Variants in DHX57 observed in about 807,000 individuals in gnomAD.
DHX57 encodes putative ATP-dependent RNA helicase DHX57.
In DHX57, 105 loss-of-function variants were observed where a neutral mutation model predicts 156.2. The observed-to-expected ratio is 0.67, with a 90% CI of 0.57 to 0.79. The LOEUF (loss-of-function observed/expected upper bound fraction) is 0.79, where lower values mean the gene tolerates loss of function less well. Among genes scored for constraint, DHX57 ranks in the 30% least tolerant of loss-of-function variants. DHX57 has a pLI of 0.00. For synonymous variants in DHX57, 704 were observed against 595.6 expected (o/e 1.18, Z -2.65); for missense variants, 1,847 against 1,661.9 (o/e 1.11, Z -1.94).
At chr2:38,852,858 T>G (rs1672676186) in intron 9 of DHX57, among the ~76,000 whole-genome samples, 1 of 152,292 alleles carries the variant, frequency 6.6e-6, no homozygotes, top group Non-Finnish European at 1.5e-5. Flanking sequence ...TTATTCGTGG[T>G]GCTTAAGGCC....
In DHX57 at chr2:38,861,297, G is replaced by A. The variant is rs761062892; in HGVS notation, c.1113C>T (p.Leu371=). Residue 371 remains leucine, a synonymous_variant, in exon 5 of 24, where the codon CTC becomes CTT. Coordinates refer to ENST00000457308, the MANE Select transcript of DHX57 (RefSeq NM_198963.3). ...KDHKYPYQAP[L]VAFYSTNENL... is the part of the protein sequence containing the mutation. ...TCTCATTGGTGGAATAAAATGCCACGAGCGGAGCTTGGTAGGGATATTTGT... is the reference window on the plus strand; with the variant it reads ...TCTCATTGGTGGAATAAAATGCCACAAGCGGAGCTTGGTAGGGATATTTGT... The A allele has an allele frequency of 8.1e-6, 13 of 1,614,008 alleles. No individual in the cohort carries two copies. The highest frequency in any genetic ancestry group is 5.5e-5 in the South Asian group (5 of 91,068).
At chr2:38,836,636 T>G (rs1431546409) in intron 13 of DHX57, among the ~76,000 whole-genome samples, 1 of 151,760 alleles carries the variant, frequency 6.6e-6, no homozygotes, top group Non-Finnish European at 1.5e-5. Context: ...TAGCCAGGCG[T>G]GGAGGTGCAC....
chr2:38,829,562 G>A (rs1221125774), intron 13 of DHX57, among the ~76,000 whole-genome samples: 2 of 152,176 alleles, frequency 1.3e-5, no homozygotes, highest in Admixed American at 6.5e-5. Context: ...GAGCCACTGC[G>A]CTTGGCCCCA....
intron 2 of DHX57, among the ~76,000 whole-genome samples, chr2:38,866,294 G>T (rs1437219660): frequency 6.6e-6 from 1 of 152,004 alleles, no homozygotes; most frequent in Non-Finnish European, 1.5e-5. Context: ...TTGCCTTCTT[G>T]CCCACTCATT....
At position 38,805,855 on chromosome 2, in the gene DHX57, G is replaced by A. The variant is rs559336975; in HGVS notation, c.3816+704C>T. Among the ~76,000 whole-genome samples, 10 of 152,296 alleles carry A rather than the reference G, an allele frequency of 6.6e-5. No individual in the cohort carries two copies. In the South Asian group the frequency reaches 2.1e-3, roughly 32 times the overall value. On this transcript the variant is annotated intron_variant, in intron 22 of 23. Coordinates refer to ENST00000457308, the MANE Select transcript of DHX57 (RefSeq NM_198963.3). ...AGAGACAGATTTGGGGTCTGCGTCT[G>A]TGTGTAAGTGGCAGTTGGGATGTGT...
chr2:38,842,678 C>T (rs368399823), intron 12 of DHX57, among the ~76,000 whole-genome samples: 16 of 152,110 alleles, frequency 1.1e-4, no homozygotes, highest in East Asian at 9.6e-4. Flanking sequence ...TTTAGCCTTG[C>T]GAACTTTTCC....
chr2:38,817,387 T>A (rs984350796), intron 19 of DHX57, among the ~76,000 whole-genome samples: 3 of 152,162 alleles, frequency 2.0e-5, no homozygotes, highest in Admixed American at 6.6e-5. Context: ...CAATCTCAAC[T>A]CACTGAAACC....
chr2:38,811,273 C>A, intron 21 of DHX57: 1 of 515,298 alleles, frequency 1.9e-6, no homozygotes, highest in South Asian at 1.6e-5. Flanking sequence ...GGGGGGCCAG[C>A]GAGTAGCAGG....
intron 17 of DHX57, 68 bp downstream of exon 17, chr2:38,822,925 C>T (rs2148559060): frequency 1.3e-6 from 2 of 1,520,498 alleles, no homozygotes; most frequent in Middle Eastern, 1.7e-4. Flanking sequence ...CTTGATTTCC[C>T]CCATGGTCCC....
At chr2:38,844,311 A>G (rs566381868) in intron 11 of DHX57, among the ~76,000 whole-genome samples, 10 of 152,354 alleles carry the variant, frequency 6.6e-5, no homozygotes, top group Non-Finnish European at 1.2e-4. Flanking sequence ...TAGAGGCACA[A>G]GAAAAGTATT....
intron 21 of DHX57, among the ~76,000 whole-genome samples, chr2:38,809,029 A>G (rs940354685): frequency 6.6e-6 from 1 of 152,128 alleles, no homozygotes; most frequent in East Asian, 1.9e-4. Context: ...CTCCTGGGCT[A>G]CAGTGATCCT....
intron 17 of DHX57, among the ~76,000 whole-genome samples, chr2:38,822,300 C>G (rs1410834078): frequency 6.6e-6 from 1 of 152,136 alleles, no homozygotes; most frequent in African/African-American, 2.4e-5. Flanking sequence ...AGGCTGGTCT[C>G]AAACTCCTGA....
At chr2:38,829,521 T>C (rs1671275317) in intron 13 of DHX57, among the ~76,000 whole-genome samples, 3 of 149,598 alleles carry the variant, frequency 2.0e-5, no homozygotes, top group Non-Finnish European at 4.5e-5. Flanking sequence ...CTGCCCGCCT[T>C]GGCCTCCAAA....
intron 1 of DHX57, among the ~76,000 whole-genome samples, chr2:38,872,831 C>T (rs1399310192): frequency 6.6e-6 from 1 of 152,076 alleles, no homozygotes; most frequent in Non-Finnish European, 1.5e-5. Flanking sequence ...GACAGAGGAT[C>T]AACAAGGAAA....
intron 5 of DHX57, 129 bp from the exon 6 acceptor site, chr2:38,858,965 A>G: frequency 2.3e-6 from 2 of 870,862 alleles, no homozygotes; most frequent in East Asian, 6.0e-5. Flanking sequence ...TGAATAAAGT[A>G]AGTTCATTCA....
At position 38,819,102 on chromosome 2, in the gene DHX57, G is replaced by C. The variant is rs563431328; in HGVS notation, c.3334C>G (p.Leu1112Val). The C allele has an allele frequency of 1.2e-6, 2 of 1,614,164 alleles. No homozygotes were observed. The highest frequency in any genetic ancestry group is 2.2e-5 in the South Asian group (2 of 91,086). ...DKKEEANQKK[L>V]EFAFANSDYL... is the part of the protein sequence containing the mutation. ...TCACTGTTTGCGAATGCAAATTCCA[G>C]CTTTTTCTGGTTAGCTTCTTCTTTT... is the stretch of plus-strand genomic sequence containing the variant. The change falls in exon 18 of 24, where the codon CTG becomes GTG. Residue 1112 changes from leucine to valine, a missense_variant. Transcript: ENST00000457308.
intron 13 of DHX57, among the ~76,000 whole-genome samples, chr2:38,834,460 G>A (rs1671549629): frequency 1.3e-5 from 2 of 151,998 alleles, no homozygotes; most frequent in South Asian, 2.1e-4. Flanking sequence ...CTACTGCAGT[G>A]AGCTCAAGTG....
chr2:38,818,397 T>C (rs899799837), intron 19 of DHX57, among the ~76,000 whole-genome samples: 4 of 152,098 alleles, frequency 2.6e-5, no homozygotes, highest in African/African-American at 9.7e-5. Context: ...CATGGTGGCA[T>C]GTGCCTGTCG....
At chr2:38,810,654 G>C (rs1333269535) in intron 21 of DHX57, 2 of 675,430 alleles carry the variant, frequency 3.0e-6, no homozygotes, top group East Asian at 3.1e-5. Context: ...CTCGGTCCTG[G>C]GACTTGGCAA....
Sources: gnomAD v4.1 joint callset for allele counts (sites outside exome capture counted in the v4.1 genomes callset) on GRCh38, gnomAD v4.1.1 for gene constraint, MANE v1.5 for transcripts, NCBI Gene and HGNC (gene_info 2026-07-23, HGNC 2026-07-21) for gene names.